Variants in STK32B observed in about 807,000 individuals in gnomAD.
The protein encoded by STK32B is serine/threonine kinase 32B.
STK32B carries 43 observed loss-of-function variants against 52.6 expected under a neutral mutation model. That is an observed-to-expected ratio of 0.82 (90% CI 0.64 to 1.05). STK32B has a LOEUF of 1.05. Ranked by LOEUF, STK32B falls within the 50% of genes least tolerant of loss-of-function variation. STK32B has a pLI of 0.00. For synonymous variants in STK32B, 238 were observed against 204.3 expected, an observed-to-expected ratio of 1.17 and a Z score of -1.41; for missense variants, 621 against 534.6, an observed-to-expected ratio of 1.16 and a Z score of -1.59.
intron 4 of STK32B, among the ~76,000 whole-genome samples, chr4:5,366,924 C>G (rs954506908): frequency 5.9e-5 from 9 of 152,206 alleles, no homozygotes; most frequent in Non-Finnish European, 8.8e-5. Flanking sequence ...GCATTCTTAG[C>G]CACACCCCTC....
chr4:5,286,255 G>C (rs1161813427), intron 3 of STK32B, among the ~76,000 whole-genome samples: 1 of 152,150 alleles, frequency 6.6e-6, no homozygotes, highest in Non-Finnish European at 1.5e-5. Context: ...CCCAACAGAT[G>C]AGCCACAAAA....
intron 3 of STK32B, among the ~76,000 whole-genome samples, chr4:5,270,019 T>C (rs1321576951): frequency 6.6e-6 from 1 of 152,172 alleles, no homozygotes; most frequent in Non-Finnish European, 1.5e-5. Flanking sequence ...TGTGATCATC[T>C]CTATAGAAGC....
At chr4:5,468,389 C>T (rs1323907793) in intron 11 of STK32B, among the ~76,000 whole-genome samples, 1 of 152,206 alleles carries the variant, frequency 6.6e-6, no homozygotes, top group East Asian at 1.9e-4. Flanking sequence ...AGTAAGAGCG[C>T]TGGGGTCAAG....
At chr4:5,140,352 T>C (rs1716344418) in intron 2 of STK32B, 1 of 1,206,400 alleles carries the variant, frequency 8.3e-7, no homozygotes, top group South Asian at 1.5e-5. Context: ...TGAAAAGGTA[T>C]AGAAGGCTAG....
intron 11 of STK32B, among the ~76,000 whole-genome samples, chr4:5,474,886 A>G (rs185911323): frequency 2.6e-5 from 4 of 152,296 alleles, no homozygotes; most frequent in East Asian, 1.9e-4. Flanking sequence ...TTACTGCCCA[A>G]TGAGGTGGAG....
chr4:5,260,205 A>G (rs1018647503), intron 3 of STK32B, among the ~76,000 whole-genome samples: 3 of 152,212 alleles, frequency 2.0e-5, no homozygotes, highest in Admixed American at 6.5e-5. Flanking sequence ...CAAATGCTTC[A>G]TGCTCTGAGT....
At chr4:5,150,783 T>C (rs1227966816) in intron 2 of STK32B, among the ~76,000 whole-genome samples, 1 of 152,160 alleles carries the variant, frequency 6.6e-6, no homozygotes, top group Non-Finnish European at 1.5e-5. Flanking sequence ...TGTAGCCCAG[T>C]GAAGTTAGGA....
chr4:5,159,533 G>GAA (rs1482366061), intron 2 of STK32B, among the ~76,000 whole-genome samples: 1 of 111,358 alleles, frequency 9.0e-6, no homozygotes, highest in African/African-American at 3.6e-5. Context: ...TGATATATAT[G>GAA]TATATATGTA....
chr4:5,357,490 G>C (rs180793449), intron 4 of STK32B, among the ~76,000 whole-genome samples: 153 of 152,114 alleles, frequency 1.0e-3, no homozygotes, highest in African/African-American at 3.6e-3. Flanking sequence ...GGATCAACCA[G>C]GCTTTTAGGA....
At position 5,386,528 on chromosome 4, in the gene STK32B, C is replaced by G. The variant is rs889011105; in HGVS notation, c.435-11679C>G. Among the ~76,000 whole-genome samples, 26 of 152,208 alleles carry G rather than the reference C, an allele frequency of 1.7e-4. No homozygotes were observed. Among genetic ancestry groups the G allele is most frequent in the Non-Finnish European group, 2.4e-4 (16 of 68,036 alleles). On this transcript the variant is annotated intron_variant, in intron 4 of 11. Transcript: ENST00000282908. The surrounding 1 kb of genome is among the most constrained non-coding windows in gnomAD (Gnocchi z 4.5). ...GTAATTTGACCTAGTAACTGAACAT[C>G]TCTCAGCCTCATTGTCTTCATCTGT...
intron 1 of STK32B, among the ~76,000 whole-genome samples, chr4:5,130,970 A>T (rs545002299): frequency 1.3e-5 from 2 of 152,270 alleles, no homozygotes. Flanking sequence ...TGATGGTCCC[A>T]AGAGGATGGA....
rs1212337739 is a variant in STK32B at position 5,317,227 on chromosome 4, T to TATAC, written c.261-13990_261-13989insCATA. ...TTATATATATAACATATATATATTATATATAACATATATATATTATATATA... is the reference window on the plus strand; with the variant it reads ...TTATATATATAACATATATATATTATATACATATAACATATATATATTATATATA... On this transcript the variant is annotated intron_variant, in intron 3 of 11. Coordinates refer to ENST00000282908, the MANE Select transcript of STK32B (RefSeq NM_018401.3). Among the ~76,000 whole-genome samples the TATAC allele has an allele frequency of 3.9e-4, 18 of 46,502 alleles. 2 individuals carry two copies. The African/African-American group carries it at 4.0e-3, about 10-fold the overall frequency. The allele number at this position is 46,502 out of a possible 152,430, so 30.5% of individuals were successfully genotyped here.
intron 4 of STK32B, among the ~76,000 whole-genome samples, chr4:5,372,730 G>A (rs375644358): frequency 1.3e-5 from 2 of 150,024 alleles, no homozygotes; most frequent in South Asian, 2.1e-4. Context: ...TGGGGGGGGG[G>A]GCGGTTATTT....
At chr4:5,028,224 C>A in the STK32B span, among the ~76,000 whole-genome samples, 1 of 152,180 alleles carries the variant, frequency 6.6e-6, no homozygotes, top group Non-Finnish European at 1.5e-5. Flanking sequence ...GCCTCAACCT[C>A]ATGGGCTTAA....
At chr4:5,193,054 A>G (rs781291362) in intron 3 of STK32B, among the ~76,000 whole-genome samples, 41 of 152,064 alleles carry the variant, frequency 2.7e-4, no homozygotes, top group Non-Finnish European at 5.1e-4. Flanking sequence ...TGGCCCATGA[A>G]GAAGAGGAAC....
chr4:5,408,586 C>T (rs1737827826), intron 5 of STK32B, among the ~76,000 whole-genome samples: 2 of 152,126 alleles, frequency 1.3e-5, no homozygotes, highest in Non-Finnish European at 2.9e-5. Context: ...CAAACTAATG[C>T]ACCCTCCTCG....
chr4:5,359,870 AAT>A (rs1487999157), intron 4 of STK32B, among the ~76,000 whole-genome samples: 2 of 152,186 alleles, frequency 1.3e-5, no homozygotes, highest in African/African-American at 4.8e-5. Flanking sequence ...GACATGAGGT[AAT>A]AGGGACTTAT....
chr4:5,174,801 A>G (rs1719698685), intron 3 of STK32B, among the ~76,000 whole-genome samples: 1 of 151,950 alleles, frequency 6.6e-6, no homozygotes, highest in Non-Finnish European at 1.5e-5. Flanking sequence ...CTTCTCGAGG[A>G]GTATCTTTTT....
chr4:5,151,454 C>A (rs1315999179), intron 2 of STK32B, among the ~76,000 whole-genome samples: 2 of 152,180 alleles, frequency 1.3e-5, no homozygotes, highest in Non-Finnish European at 2.9e-5. Context: ...AAAGACATTT[C>A]ATTGTTAAAC....
Sources: gnomAD v4.1 joint callset for allele counts (sites outside exome capture counted in the v4.1 genomes callset) on GRCh38, gnomAD v4.1.1 for gene constraint, Gnocchi (gnomAD v3.1) non-coding constraint, MANE v1.5 for transcripts, NCBI Gene and HGNC (gene_info 2026-07-23, HGNC 2026-07-21) for gene names.